USO1: variants seen among roughly 807,000 people sequenced by gnomAD.
USO1 encodes the protein USO1 vesicle transport factor, also known as general vesicular transport factor p115.
A neutral mutation model predicts 124.5 loss-of-function variants in USO1; 57 were observed. The observed-to-expected ratio is 0.46, with a 90% CI of 0.37 to 0.57. The LOEUF (loss-of-function observed/expected upper bound fraction) is 0.57, where lower values mean the gene tolerates loss of function less well. USO1 is among the 20% of genes least tolerant of loss of function. USO1 has a pLI of 0.00. For synonymous variants in USO1, 369 were observed against 362.8 expected, an observed-to-expected ratio of 1.02 and a Z score of -0.19; for missense variants, 900 against 1,040.6, an observed-to-expected ratio of 0.86 and a Z score of 1.86.
intron 1 of USO1, among the ~76,000 whole-genome samples, chr4:75,749,269 G>A (rs189375602): frequency 6.6e-5 from 10 of 152,208 alleles, no homozygotes; most frequent in African/African-American, 2.4e-4. Context: ...CTAGAAGTCT[G>A]CAAAACATAA....
chr4:75,746,496 A>G (rs1721130483), intron 1 of USO1, among the ~76,000 whole-genome samples: 1 of 152,266 alleles, frequency 6.6e-6, no homozygotes, highest in Admixed American at 6.5e-5. Context: ...AGTAGAAACT[A>G]AGCGTACTTT....
chr4:75,790,573 T>C (rs1315030641), intron 11 of USO1, 70 bp from the exon 12 acceptor site: 3 of 1,527,470 alleles, frequency 2.0e-6, no homozygotes, highest in Non-Finnish European at 2.6e-6. Flanking sequence ...TCAACAAAAA[T>C]GACTAGTTAT....
intron 1 of USO1, among the ~76,000 whole-genome samples, chr4:75,739,491 G>A (rs991382894): frequency 1.3e-5 from 2 of 150,484 alleles, no homozygotes; most frequent in Non-Finnish European, 3.0e-5. Context: ...GTCCTTTCAT[G>A]GTCTGTTTAG....
intron 1 of USO1, among the ~76,000 whole-genome samples, chr4:75,742,483 G>A (rs1176847386): frequency 1.3e-5 from 2 of 152,094 alleles, no homozygotes; most frequent in East Asian, 3.8e-4. Context: ...AATAGGCTGA[G>A]GCATTTGTTT....
chr4:75,776,719 A>G (rs941505496), intron 8 of USO1, among the ~76,000 whole-genome samples: 3 of 152,094 alleles, frequency 2.0e-5, no homozygotes, highest in African/African-American at 4.8e-5. Flanking sequence ...ACCATATTTA[A>G]TAGATATTTA....
intron 4 of USO1, among the ~76,000 whole-genome samples, chr4:75,764,402 AG>A (rs900664914): frequency 5.3e-5 from 8 of 152,312 alleles, no homozygotes; most frequent in African/African-American, 1.9e-4. Context: ...AGTGCTGAGA[AG>A]CCTGCAGTGA....
chr4:75,753,823 G>A (rs1250635447), intron 3 of USO1, among the ~76,000 whole-genome samples: 8 of 129,704 alleles, frequency 6.2e-5, no homozygotes, highest in African/African-American at 1.5e-4. Context: ...TCGCTCTGTC[G>A]CCCAGGCTGG....
In USO1 at chr4:75,793,675, C is replaced by T. The variant is rs1214189400; in HGVS notation, c.1241-15C>T. On this transcript the variant is annotated splice_polypyrimidine_tract_variant and intron_variant, in intron 12 of 23. Transcript: ENST00000514213. ...AATCTAATATATTTTTATTGTCTGC[C>T]TGCCATCTTTGTAGCAACAGGTAAT... The T allele has an allele frequency of 6.3e-7, 1 of 1,590,492 alleles. No homozygotes were observed. The highest frequency in any genetic ancestry group is 1.1e-5 in the South Asian group (1 of 88,484).
intron 20 of USO1, among the ~76,000 whole-genome samples, 172 bp from the exon 21 acceptor site, chr4:75,808,781 A>G (rs1723062886): frequency 6.7e-6 from 1 of 148,868 alleles, no homozygotes; most frequent in Non-Finnish European, 1.5e-5. Context: ...AGCAGAGGTA[A>G]ATGAATGTGT....
chr4:75,774,904 T>C (rs933707506), intron 8 of USO1, 108 bp downstream of exon 8: 2 of 1,407,484 alleles, frequency 1.4e-6, no homozygotes, highest in Non-Finnish European at 1.9e-6. Context: ...TTTATACTCT[T>C]TGTTTTTCTT....
chr4:75,811,587 T>C (rs1445036281), intron 22 of USO1, among the ~76,000 whole-genome samples: 1 of 152,248 alleles, frequency 6.6e-6, no homozygotes, highest in Non-Finnish European at 1.5e-5. Flanking sequence ...CCTGTCAGCA[T>C]ATTATTGTGT....
rs1025116408 is a variant in USO1, at chr4:75,813,561, A to G, written c.*266A>G. 1 of 252,474 alleles carries G rather than the reference A, an allele frequency of 4.0e-6. No homozygotes were observed. Among genetic ancestry groups the G allele is most frequent in the Non-Finnish European group, 7.4e-6 (1 of 135,502 alleles). The allele number at this position is 252,474 out of a possible 1,614,324, so 15.6% of individuals were successfully genotyped here. On this transcript the variant is annotated 3_prime_UTR_variant, in exon 24 of 24. Transcript: ENST00000514213. The stretch of plus-strand genomic sequence containing the variant: ...GAGCTTCAAACACCAAAAATATACC[A>G]TTTTAAGGCATGTGGTGACAATGCT...
intron 13 of USO1, 48 bp downstream of exon 13, chr4:75,793,949 G>T: frequency 1.2e-6 from 2 of 1,608,854 alleles, no homozygotes; most frequent in South Asian, 2.2e-5. Context: ...TGATGTCAGT[G>T]ATACAGGATT....
At chr4:75,767,088 A>T (rs918962836) in intron 4 of USO1, among the ~76,000 whole-genome samples, 1 of 151,812 alleles carries the variant, frequency 6.6e-6, no homozygotes, top group Non-Finnish European at 1.5e-5. Context: ...TTCCTTTTTC[A>T]TTGGTTACTC....
At position 75,800,670 on chromosome 4, in the gene USO1, G is replaced by A. The variant is rs1283178133; in HGVS notation, c.1735G>A (p.Glu579Lys). ...GAGGATTGGCAAAGAGAATTTCATA[G>A]AGAAACTAGGATTTATTAGCAAACA... is the stretch of plus-strand genomic sequence containing the variant. Reference protein sequence around the residue: ...EKRIGKENFIEKLGFISKHEL... With the variant: ...EKRIGKENFIKKLGFISKHEL... The change falls in exon 16 of 24, where the codon GAG becomes AAG. Residue 579 changes from glutamate (E) to lysine (K), a missense_variant. By Grantham distance (56) the Glu-to-Lys change is moderately conservative. Around this residue, in one of 2 missense-constraint regions of USO1, gnomAD observed 538 missense variants for 681.6 expected, o/e 0.79. Coordinates refer to ENST00000514213, the MANE Select transcript of USO1 (RefSeq NM_003715.4). 6.3e-7 allele frequency: 1 copy of A among 1,595,932 alleles called. No individual in the cohort carries two copies. The highest frequency in any genetic ancestry group is 8.5e-7 in the Non-Finnish European group (1 of 1,174,488).
At position 75,792,488 on chromosome 4, in the gene USO1, G is replaced by A. The variant is rs369470627; in HGVS notation, c.1241-1202G>A. On this transcript the variant is annotated intron_variant, in intron 12 of 23. Transcript: ENST00000514213. ...GGAGGCGGAGGTTGCAGTGAACTGA[G>A]ATCACGCCATTGCACTCCAGCCTGG... Among the ~76,000 whole-genome samples, 19 of 152,012 alleles carry A rather than the reference G, an allele frequency of 1.2e-4. No individual in the cohort carries two copies. The East Asian group carries it at 1.4e-3, about 11-fold the overall frequency.
chr4:75,789,931 ATGTT>A lies in USO1; in HGVS notation c.997-217_997-214del, dbSNP rs1214752158. Among the ~76,000 whole-genome samples the A allele has an allele frequency of 1.2e-4, 18 of 152,016 alleles. No individual in the cohort carries two copies. The South Asian group carries it at 3.7e-3, about 32-fold the overall frequency. ...TTACAAGATTATAATGTTATCATTG[ATGTT>A]TTTGTGCCTGAATTTTGGCACTTAA... On this transcript the variant is annotated intron_variant, in intron 10 of 23. Transcript: ENST00000514213.
intron 4 of USO1, among the ~76,000 whole-genome samples, chr4:75,763,814 CCTTTG>C (rs1721691405): frequency 6.6e-6 from 1 of 152,030 alleles, no homozygotes; most frequent in African/African-American, 2.4e-5. Flanking sequence ...TTGTTTCATG[CCTTTG>C]CTTACACGTA....
intron 21 of USO1, among the ~76,000 whole-genome samples, chr4:75,810,228 T>C (rs1214261088): frequency 6.6e-6 from 1 of 152,236 alleles, no homozygotes; most frequent in African/African-American, 2.4e-5. Context: ...TTCCTCGTAC[T>C]CTTATGAGAT....
Sources: allele counts gnomAD v4.1 joint callset (sites outside exome capture counted in the v4.1 genomes callset), GRCh38; gene constraint gnomAD v4.1.1; regional missense constraint gnomAD v4.1.1; transcripts MANE v1.5; gene names NCBI Gene and HGNC (gene_info 2026-07-23, HGNC 2026-07-21).